ADAMTS3: variants seen among roughly 807,000 people sequenced by gnomAD.
ADAMTS3 encodes A disintegrin and metalloproteinase with thrombospondin motifs 3.
Under a neutral mutation model 129.0 loss-of-function variants are expected in ADAMTS3, and 73 were observed. The ratio of observed to expected loss-of-function variants is 0.57; its 90% confidence interval spans 0.47 to 0.69. The LOEUF (loss-of-function observed/expected upper bound fraction) is 0.69. Among genes scored for constraint, ADAMTS3 ranks in the 30% least tolerant of loss-of-function variants. The pLI is 0.00. For synonymous variants in ADAMTS3, 477 were observed against 510.8 expected (o/e 0.93, Z 0.89); for missense variants, 1,457 against 1,514.5 (o/e 0.96, Z 0.63).
intron 3 of ADAMTS3, among the ~76,000 whole-genome samples, chr4:72,435,255 T>C (rs1405012499): frequency 1.3e-5 from 2 of 151,812 alleles, no homozygotes; most frequent in African/African-American, 4.8e-5. Flanking sequence ...AATATGTGCC[T>C]TTTTAGGCAA....
At chr4:72,326,049 G>T (rs1403333775) in intron 5 of ADAMTS3, among the ~76,000 whole-genome samples, 1 of 152,006 alleles carries the variant, frequency 6.6e-6, no homozygotes, top group Non-Finnish European at 1.5e-5. Context: ...CAAAATAAAA[G>T]TATTACTTAA....
chr4:72,410,823 GC>G (rs1382938699), intron 4 of ADAMTS3, among the ~76,000 whole-genome samples: 1 of 151,904 alleles, frequency 6.6e-6, no homozygotes, highest in Non-Finnish European at 1.5e-5. Flanking sequence ...TCATTTCCAT[GC>G]CCCTAAATCT....
Position 72,568,952 on chromosome 4 carries a change from C to G in ADAMTS3, c.-190G>C. The G allele has an allele frequency of 1.6e-6, 1 of 617,870 alleles. No individual in the cohort carries two copies. Among genetic ancestry groups the G allele is most frequent in the Non-Finnish European group, 2.9e-6 (1 of 344,608 alleles). 38.3% of individuals were successfully genotyped at this position (617,870 alleles called of 1,614,324 possible). A position where few individuals can be genotyped will look rare whatever the true frequency, so the allele number is the denominator to read the frequency against. ...AGCTCTGAGACTGGCCCCCTCTGCT[C>G]TGCAGTTTTTTCCACTTCACCTTCT... On this transcript the variant is annotated 5_prime_UTR_variant, in exon 1 of 22. Transcript: ENST00000286657.
intron 5 of ADAMTS3, among the ~76,000 whole-genome samples, chr4:72,325,605 A>G (rs1719678807): frequency 6.6e-6 from 1 of 152,202 alleles, no homozygotes; most frequent in African/African-American, 2.4e-5. Context: ...ATAAGGTTGA[A>G]AGCAATGTTA....
chr4:72,290,805 A>ACACACTT (rs1324203310), intron 20 of ADAMTS3, 50 bp downstream of exon 20: 3 of 1,566,782 alleles, frequency 1.9e-6, no homozygotes, highest in Non-Finnish European at 2.6e-6. Flanking sequence ...ATATCTACAC[A>ACACACTT]TGCTTACACA....
At chr4:72,564,521 T>C (rs1306700842) in intron 2 of ADAMTS3, among the ~76,000 whole-genome samples, 1 of 151,650 alleles carries the variant, frequency 6.6e-6, no homozygotes, top group Non-Finnish European at 1.5e-5. Flanking sequence ...CACAGATATA[T>C]ATGTATGTAT....
At chr4:72,358,643 C>G (rs1366637791) in intron 4 of ADAMTS3, among the ~76,000 whole-genome samples, 3 of 151,952 alleles carry the variant, frequency 2.0e-5, no homozygotes, top group Non-Finnish European at 1.5e-5. Flanking sequence ...TATCTGCCAT[C>G]TAGATTTCAC....
At chr4:72,333,101 C>T (rs1719892801) in intron 5 of ADAMTS3, among the ~76,000 whole-genome samples, 1 of 152,084 alleles carries the variant, frequency 6.6e-6, no homozygotes, top group Admixed American at 6.6e-5. Flanking sequence ...GGGACTAAGG[C>T]TGAATGCATC....
intron 4 of ADAMTS3, among the ~76,000 whole-genome samples, chr4:72,363,719 AG>A (rs141970604): frequency 0.048 from 7,289 of 152,198 alleles, 590 homozygotes; most frequent in African/African-American, 0.17. Flanking sequence ...AAGCAATAGA[AG>A]GCCTCATACC....
chr4:72,381,443 T>A (rs1396806958), intron 4 of ADAMTS3, among the ~76,000 whole-genome samples: 1 of 152,026 alleles, frequency 6.6e-6, no homozygotes, highest in Non-Finnish European at 1.5e-5. Flanking sequence ...ACCTCCATTA[T>A]TCAATGAAAA....
At chr4:72,457,493 C>T (rs779259929) in intron 3 of ADAMTS3, among the ~76,000 whole-genome samples, 10 of 151,500 alleles carry the variant, frequency 6.6e-5, no homozygotes, top group African/African-American at 7.3e-5. Context: ...TAGAAGTGGT[C>T]GTTTTACTTT....
chr4:72,308,079 A>C (rs1006794512), intron 15 of ADAMTS3, among the ~76,000 whole-genome samples: 1 of 152,002 alleles, frequency 6.6e-6, no homozygotes, highest in African/African-American at 2.4e-5. Context: ...TTTACATCCA[A>C]AAGAAAAGAA....
intron 3 of ADAMTS3, among the ~76,000 whole-genome samples, chr4:72,452,970 T>C (rs1349072258): frequency 6.6e-6 from 1 of 151,746 alleles, no homozygotes; most frequent in African/African-American, 2.4e-5. Flanking sequence ...GGTAGGGGTA[T>C]GAAAACTGCC....
At chr4:72,517,280 T>G (rs900414901) in intron 3 of ADAMTS3, among the ~76,000 whole-genome samples, 12 of 152,236 alleles carry the variant, frequency 7.9e-5, no homozygotes, top group Non-Finnish European at 1.0e-4. Flanking sequence ...TCATCAAGGA[T>G]ATTGGTCTAA....
At chr4:72,308,322 A>G (rs1719141713) in intron 15 of ADAMTS3, among the ~76,000 whole-genome samples, 1 of 151,976 alleles carries the variant, frequency 6.6e-6, no homozygotes. Context: ...ACATTAGAAT[A>G]TAGTCTCCTA....
chr4:72,388,675 C>T (rs547464907), intron 4 of ADAMTS3, among the ~76,000 whole-genome samples: 18 of 152,184 alleles, frequency 1.2e-4, no homozygotes, highest in Non-Finnish European at 2.4e-4. Context: ...TCATTCCAAT[C>T]AATCCACAGG....
Position 72,319,334 on chromosome 4 carries a change from G to T in ADAMTS3, c.1350C>A (p.Ile450=), listed in dbSNP as rs758649486. ...ATGACATGCAGCAGGGGACATACTG[G>T]ATATATCTTTTCAGTTCTTGACCAC... The part of the protein sequence containing the change: ...RCSGQELKRY[I]HSYDCLLDDP... Residue 450 remains isoleucine (I), a splice_region_variant and synonymous_variant, in exon 9 of 22, where the codon ATC becomes ATA. Transcript: ENST00000286657. The T allele has an allele frequency of 5.6e-6, 9 of 1,613,760 alleles. No homozygotes were observed. Among genetic ancestry groups the T allele is most frequent in the African/African-American group, 2.7e-5 (2 of 74,892 alleles).
intron 3 of ADAMTS3, among the ~76,000 whole-genome samples, chr4:72,508,837 A>T (rs1720234968): frequency 6.6e-6 from 1 of 152,082 alleles, no homozygotes; most frequent in Non-Finnish European, 1.5e-5. Flanking sequence ...TAGAATACAC[A>T]TTCTTTTACT....
chr4:72,565,840 T>G (rs1722008660), intron 2 of ADAMTS3, among the ~76,000 whole-genome samples: 1 of 152,198 alleles, frequency 6.6e-6, no homozygotes, highest in Non-Finnish European at 1.5e-5. Context: ...CCAGGGCCTC[T>G]TATATGAGAG....
Sources: allele counts gnomAD v4.1 joint callset (sites outside exome capture counted in the v4.1 genomes callset), GRCh38; gene constraint gnomAD v4.1.1; transcripts MANE v1.5; gene names NCBI Gene and HGNC (gene_info 2026-07-23, HGNC 2026-07-21).